Variants in TSHZ2 observed in about 807,000 individuals in gnomAD.
TSHZ2 encodes teashirt homolog 2.
Under a neutral mutation model 74.4 loss-of-function variants are expected in TSHZ2, and 21 were observed. The observed-to-expected ratio is 0.28, with a 90% confidence interval of 0.20 to 0.41. The LOEUF is 0.41. TSHZ2 is among the 10% of genes least tolerant of loss of function. The pLI is 1.00. For missense variants in TSHZ2, 1,244 were observed against 1,293.5 expected (o/e 0.96, Z 0.59); for synonymous variants, 540 against 515.3 (o/e 1.05, Z -0.65).
intron 2 of TSHZ2, among the ~76,000 whole-genome samples, chr20:53,415,989 G>A (rs951789509): frequency 7.2e-5 from 11 of 152,160 alleles, no homozygotes; most frequent in Non-Finnish European, 1.3e-4. Flanking sequence ...TGGTGAATCC[G>A]GTAACTGTCA....
Position 53,074,390 on chromosome 20 carries a change from A to C in TSHZ2, c.40+101057A>C, listed in dbSNP as rs910553611. ...GATTCATGGGTCTTTGTGTTCTTAC[A>C]GTGCCTCAATTGCTCACCAGGAAGT... On this transcript the variant is annotated intron_variant, in intron 1 of 2. Transcript: ENST00000371497. This position sits in a 1 kb window ranked among gnomAD's most constrained non-coding sequence, Gnocchi z 5.9. Among the ~76,000 whole-genome samples the C allele has an allele frequency of 2.6e-5, 4 of 152,346 alleles. No homozygotes were observed. Among genetic ancestry groups the C allele is most frequent in the African/African-American group, 9.6e-5 (4 of 41,580 alleles).
intron 1 of TSHZ2, among the ~76,000 whole-genome samples, chr20:53,085,952 C>T (rs1985687024): frequency 6.6e-6 from 1 of 152,208 alleles, no homozygotes; most frequent in Non-Finnish European, 1.5e-5. Flanking sequence ...CTCAACCTCA[C>T]CTGTGCCTCT....
chr20:53,111,104 G>A (rs762297992), intron 1 of TSHZ2, among the ~76,000 whole-genome samples: 4 of 152,184 alleles, frequency 2.6e-5, no homozygotes, highest in Non-Finnish European at 4.4e-5. Context: ...TTCAAGAAGT[G>A]CAAGGTCAAT....
intron 2 of TSHZ2, among the ~76,000 whole-genome samples, chr20:53,425,816 A>G (rs926117387): frequency 1.3e-5 from 2 of 150,650 alleles, no homozygotes; most frequent in African/African-American, 4.9e-5. Flanking sequence ...TTTTTTTCTC[A>G]CCATCTAAAA....
chr20:53,275,480 C>T (rs554964103), intron 2 of TSHZ2, among the ~76,000 whole-genome samples: 2 of 151,858 alleles, frequency 1.3e-5, no homozygotes, highest in African/African-American at 2.4e-5. Context: ...AAATGTGGTG[C>T]ACAAAAAGGG....
intron 1 of TSHZ2, among the ~76,000 whole-genome samples, chr20:53,065,192 T>G (rs6022263): frequency 1.3e-5 from 2 of 152,054 alleles, no homozygotes; most frequent in Non-Finnish European, 2.9e-5. Context: ...TGATAATGCG[T>G]GAAGAGCTGT....
At chr20:53,046,368 T>C (rs1435416309) in intron 1 of TSHZ2, among the ~76,000 whole-genome samples, 1 of 152,118 alleles carries the variant, frequency 6.6e-6, no homozygotes, top group Non-Finnish European at 1.5e-5. Flanking sequence ...TCCAGGGCAC[T>C]CGATGGTGGC....
rs1344181713 is a variant in TSHZ2, at chr20:52,973,009, A to G, written c.-285A>G. On this transcript the variant is annotated 5_prime_UTR_variant, in exon 1 of 3. Transcript: ENST00000371497. Reference sequence around the variant, plus strand: ...TTCCAAAAGCAAAAACAAAAAAGAGAGAGGAAAAAAAATTCAAAATAAACA... The same window carrying G: ...TTCCAAAAGCAAAAACAAAAAAGAGGGAGGAAAAAAAATTCAAAATAAACA... 6 of 389,768 alleles carry G rather than the reference A, an allele frequency of 1.5e-5. No individual in the cohort carries two copies. The highest frequency in any genetic ancestry group is 4.5e-5 in the Admixed American group (1 of 22,260). The allele number at this position is 389,768 out of a possible 1,614,324, so 24.1% of individuals were successfully genotyped here.
chr20:53,330,881 C>A (rs1979697432), intron 2 of TSHZ2, among the ~76,000 whole-genome samples: 1 of 152,158 alleles, frequency 6.6e-6, no homozygotes. Context: ...CTTCTGGATC[C>A]TTCCCCACAA....
At chr20:53,449,858 A>G (rs1028739047) in intron 2 of TSHZ2, among the ~76,000 whole-genome samples, 28 of 152,174 alleles carry the variant, frequency 1.8e-4, no homozygotes, top group African/African-American at 5.8e-4. Context: ...GAGCCTCCAG[A>G]GCACCATTTA....
intron 2 of TSHZ2, among the ~76,000 whole-genome samples, chr20:53,304,792 C>T (rs966040929): frequency 2.0e-5 from 3 of 151,586 alleles, no homozygotes; most frequent in Non-Finnish European, 2.9e-5. Context: ...CCACCACGCC[C>T]AGCTAATTTT....
At chr20:53,077,983 A>G (rs892903510) in intron 1 of TSHZ2, among the ~76,000 whole-genome samples, 1 of 152,232 alleles carries the variant, frequency 6.6e-6, no homozygotes, top group Admixed American at 6.5e-5. Flanking sequence ...TCTGTTACCC[A>G]AATCCTTACC....
At chr20:53,124,108 C>T (rs1335086053) in intron 1 of TSHZ2, among the ~76,000 whole-genome samples, 2 of 152,182 alleles carry the variant, frequency 1.3e-5, no homozygotes, top group African/African-American at 4.8e-5. Context: ...TAGCGTCAGC[C>T]AGTGTTTCCC....
intron 1 of TSHZ2, among the ~76,000 whole-genome samples, chr20:53,197,658 A>G (rs747803381): frequency 2.6e-5 from 4 of 152,180 alleles, no homozygotes; most frequent in Non-Finnish European, 5.9e-5. Context: ...TGATATTTAA[A>G]TGTTACCAAG....
intron 1 of TSHZ2, among the ~76,000 whole-genome samples, chr20:53,121,624 A>G (rs1986812241): frequency 6.6e-6 from 1 of 152,234 alleles, no homozygotes; most frequent in African/African-American, 2.4e-5. Flanking sequence ...AAGAGAAGCC[A>G]AAAATCTGGA....
chr20:53,138,379 T>G (rs1207278397), intron 1 of TSHZ2, among the ~76,000 whole-genome samples: 4 of 149,264 alleles, frequency 2.7e-5, no homozygotes, highest in Non-Finnish European at 5.9e-5. Flanking sequence ...GCAAGACTCT[T>G]GTCTCAAAAA....
chr20:53,272,860 A>T (rs918768679), intron 2 of TSHZ2, among the ~76,000 whole-genome samples: 1 of 152,224 alleles, frequency 6.6e-6, no homozygotes, highest in Non-Finnish European at 1.5e-5. Context: ...GCAGGTTGAT[A>T]ATAATACTAA....
At chr20:53,053,147 G>A (rs1175260694) in intron 1 of TSHZ2, among the ~76,000 whole-genome samples, 1 of 152,162 alleles carries the variant, frequency 6.6e-6, no homozygotes, top group Non-Finnish European at 1.5e-5. Context: ...TCTACGCTAT[G>A]TGATCATTTG....
intron 1 of TSHZ2, among the ~76,000 whole-genome samples, chr20:53,066,492 G>C (rs1384460062): frequency 6.6e-6 from 1 of 151,998 alleles, no homozygotes; most frequent in South Asian, 2.1e-4. Context: ...TCCTGAAGCT[G>C]TTTCTTGTTT....
Sources: allele counts gnomAD v4.1 joint callset (sites outside exome capture counted in the v4.1 genomes callset), GRCh38; gene constraint gnomAD v4.1.1; non-coding constraint Gnocchi (gnomAD v3.1); transcripts MANE v1.5; gene names NCBI Gene and HGNC (gene_info 2026-07-23, HGNC 2026-07-21).